The following ADAMTS13 variants were observed in gnomAD, a reference collection of about 807,000 sequenced individuals.
ADAMTS13 encodes A disintegrin and metalloproteinase with thrombospondin motifs 13.
In ADAMTS13, 110 loss-of-function variants were observed where a neutral mutation model predicts 155.1. The observed-to-expected ratio is 0.71, with a 90% confidence interval of 0.61 to 0.83. The LOEUF (loss-of-function observed/expected upper bound fraction) is 0.83, where lower values mean the gene tolerates loss of function less well. Among genes scored for constraint, ADAMTS13 ranks in the 40% least tolerant of loss-of-function variants. The pLI is 0.00. For synonymous variants in ADAMTS13, 758 were observed against 756.4 expected (o/e 1.00, Z -0.03); for missense variants, 1,707 against 1,891.7 (o/e 0.90, Z 1.81).
chr9:133,420,193 C>T (rs996850379), upstream of ADAMTS13, among the ~76,000 whole-genome samples: 9 of 152,284 alleles, frequency 5.9e-5, no homozygotes, highest in Middle Eastern at 3.4e-3. Flanking sequence ...CGTGAGCCAC[C>T]GCACCTAGCC....
In ADAMTS13 at chr9:133,456,948, C is replaced by T. The variant is rs900315104; in HGVS notation, c.3724+229C>T. The stretch of plus-strand genomic sequence containing the variant: ...TTTTGGGACCGTGCAGCAAGATGGA[C>T]GGATGTGGGACATGGTCCACATCCT... On this transcript the variant is annotated intron_variant, in intron 27 of 28. Transcript: ENST00000355699. This position sits in a 1 kb window ranked among gnomAD's most constrained non-coding sequence, Gnocchi z 4.4. 1.8e-5 allele frequency: 12 copies of T among 677,612 alleles called. No individual in the cohort carries two copies. Among genetic ancestry groups the T allele is most frequent in the Admixed American group, 1.0e-4 (5 of 48,636 alleles). 42.0% of individuals were successfully genotyped at this position (677,612 alleles called of 1,614,324 possible). A position where few individuals can be genotyped will look rare whatever the true frequency, so the allele number is the denominator to read the frequency against.
At chr9:133,415,779 G>A (rs1044512654) in intron 1 of ADAMTS13, 1 of 152,218 alleles carries the variant, frequency 6.6e-6, no homozygotes, top group Non-Finnish European at 1.5e-5. Flanking sequence ...TTTCTTTCTT[G>A]GGAGAAGGAA....
chr9:133,449,006 C>G (rs893574623), intron 22 of ADAMTS13, among the ~76,000 whole-genome samples: 9 of 152,228 alleles, frequency 5.9e-5, no homozygotes, highest in Non-Finnish European at 1.0e-4. Context: ...CTGGCTCTTT[C>G]CTCACCTCCA....
At chr9:133,451,966 A>G (rs1346702693) in intron 23 of ADAMTS13, among the ~76,000 whole-genome samples, 1 of 148,540 alleles carries the variant, frequency 6.7e-6, no homozygotes, top group Non-Finnish European at 1.5e-5. Context: ...TATTTGGAGT[A>G]TGTTGCAAAG....
In ADAMTS13 at chr9:133,443,447, G is replaced by A; in HGVS notation, c.2306G>A (p.Cys769Tyr). ...GGGLRERPVR[C>Y]VEAQGSLLKT... ...GGCCTGCGGGAGCGGCCAGTGCGCT[G>A]CGTGGAGGCCCAGGGCAGCCTCCTG... The change falls in exon 19 of 29, where the codon TGC becomes TAC. Residue 769 changes from cysteine (C) to tyrosine (Y), a missense_variant. Transcript: ENST00000355699. The A allele has an allele frequency of 6.3e-7, 1 of 1,593,904 alleles. No homozygotes were observed. Among genetic ancestry groups the A allele is most frequent in the Non-Finnish European group, 8.5e-7 (1 of 1,175,602 alleles).
Position 133,433,415 on chromosome 9 carries a change from T to C in ADAMTS13, c.1130T>C (p.Leu377Pro), listed in dbSNP as rs1554788076. Residue 377 changes from leucine (L) to proline (P), a missense_variant, in exon 10 of 29, where the codon CTG (leucine) becomes CCG (proline). By Grantham distance (98) the Leu-to-Pro change is moderately conservative. Transcript: ENST00000355699. ...SKGRCRSLVELTPIAAVHGRW... is the reference protein window; with the variant it reads ...SKGRCRSLVEPTPIAAVHGRW... The stretch of plus-strand genomic sequence containing the variant: ...GGTCGCTGCCGCTCCCTGGTGGAGC[T>C]GACCCCCATAGCAGCAGTGCATGGG... 6.2e-7 allele frequency: 1 copy of C among 1,613,256 alleles called. No individual in the cohort carries two copies. The highest frequency in any genetic ancestry group is 1.7e-5 in the Admixed American group (1 of 60,006).
Position 133,436,907 on chromosome 9 carries a change from G to A in ADAMTS13, c.1387G>A (p.Gly463Ser), listed in dbSNP as rs782279962. The A allele has an allele frequency of 6.3e-7, 1 of 1,589,196 alleles. No individual in the cohort carries two copies. Among genetic ancestry groups the A allele is most frequent in the East Asian group, 2.3e-5 (1 of 44,022 alleles). ...CGGCCAGCCGCTGCGCTCCTCCCCT[G>A]GCGGCGCCTCCTTCTACCACTGGGG... ...TDGQPLRSSP[G>S]GASFYHWGAA... The change falls in exon 12 of 29, where the codon GGC (glycine) becomes AGC (serine). Residue 463 changes from glycine to serine, a missense_variant. Gly to Ser is a moderately conservative substitution (Grantham distance 56, BLOSUM62 0). Coordinates refer to ENST00000355699, the MANE Select transcript of ADAMTS13 (RefSeq NM_139027.6).
At chr9:133,431,113 T>A (rs1840733587) in intron 8 of ADAMTS13, among the ~76,000 whole-genome samples, 1 of 151,964 alleles carries the variant, frequency 6.6e-6, no homozygotes, top group Admixed American at 6.6e-5. Context: ...TACAGGCACA[T>A]GCCACAATGC....
At chr9:133,435,700 T>G (rs1323457382) in intron 11 of ADAMTS13, among the ~76,000 whole-genome samples, 1 of 151,474 alleles carries the variant, frequency 6.6e-6, no homozygotes, top group Non-Finnish European at 1.5e-5. Flanking sequence ...CGGCTAATTT[T>G]TTTTTGTATT....
At chr9:133,439,945 G>A (rs1421688211) in intron 15 of ADAMTS13, among the ~76,000 whole-genome samples, 2 of 152,244 alleles carry the variant, frequency 1.3e-5, no homozygotes, top group East Asian at 3.8e-4. Flanking sequence ...CCTAAAGGAG[G>A]ACACTTCTGC....
rs188069015 is a variant in ADAMTS13 at position 133,424,944 on chromosome 9, T to C, written c.330+466T>C. On this transcript the variant is annotated intron_variant, in intron 3 of 28. Coordinates refer to ENST00000355699, the MANE Select transcript of ADAMTS13 (RefSeq NM_139027.6). The surrounding 1 kb of genome is among the most constrained non-coding windows in gnomAD (Gnocchi z 4.3). ...GGAGATGCCCACCTTCATTTCTTGC[T>C]AGCACCTGAATCCCTGCAGCCCCCC... is the stretch of plus-strand genomic sequence containing the variant. Among the ~76,000 whole-genome samples the C allele has an allele frequency of 2.6e-5, 4 of 152,328 alleles. No individual in the cohort carries two copies. Among genetic ancestry groups the C allele is most frequent in the African/African-American group, 7.2e-5 (3 of 41,582 alleles).
upstream of ADAMTS13, chr9:133,417,578 A>G (rs781997869): frequency 1.3e-6 from 2 of 1,593,616 alleles, no homozygotes; most frequent in Admixed American, 3.4e-5. Context: ...TTCTGCGGGA[A>G]TGAGCTGCGC....
rs1840954361 is a variant in ADAMTS13 at position 133,433,655 on chromosome 9, G to C, written c.1259G>C (p.Gly420Ala). The change falls in exon 11 of 29, where the codon GGG (glycine) becomes GCG (alanine). Residue 420 changes from glycine to alanine, a missense_variant. This residue lies in a region of ADAMTS13 where 733 missense variants were observed against 749.6 expected (regional missense o/e 0.98). Coordinates refer to ENST00000355699, the MANE Select transcript of ADAMTS13 (RefSeq NM_139027.6). Reference sequence around the variant, plus strand: ...GGCATTTTCAGACCTGCCTTTGGGGGGCGTGCATGTGTTGGTGCTGACCTC... The same window carrying C: ...GGCATTTTCAGACCTGCCTTTGGGGCGCGTGCATGTGTTGGTGCTGACCTC... Reference protein sequence around the residue: ...QCNNPRPAFGGRACVGADLQA... With the variant: ...QCNNPRPAFGARACVGADLQA... The C allele has an allele frequency of 1.2e-6, 2 of 1,613,836 alleles. No individual in the cohort carries two copies.
In ADAMTS13 at chr9:133,437,746, C is replaced by T. The variant is rs782170027; in HGVS notation, c.1436-3C>T. On this transcript the variant is annotated splice_region_variant and splice_polypyrimidine_tract_variant and intron_variant, in intron 12 of 28. Transcript: ENST00000355699. ...GACACCCTTTTTCACTCTGCCCTCC[C>T]AGGGGATGCTCTGTGCAGACACATG... is the stretch of plus-strand genomic sequence containing the variant. 5 of 1,613,692 alleles carry T rather than the reference C, an allele frequency of 3.1e-6. No homozygotes were observed. Among genetic ancestry groups the T allele is most frequent in the East Asian group, 4.5e-5 (2 of 44,890 alleles).
rs1554785219 is a variant in ADAMTS13 at position 133,426,194 on chromosome 9, C to T, written c.540-5C>T. 1.2e-6 allele frequency: 2 copies of T among 1,613,884 alleles called. No individual in the cohort carries two copies. The highest frequency in any genetic ancestry group is 1.6e-4 in the Middle Eastern group (1 of 6,084). On this transcript the variant is annotated splice_region_variant and splice_polypyrimidine_tract_variant and intron_variant, in intron 5 of 28. Transcript: ENST00000355699. Reference sequence around the variant, plus strand: ...CCACCCAAGTGACTGTTTTCTCTCACCGAGGTTTGACCTGGAGTTGCCTGA... The same window carrying T: ...CCACCCAAGTGACTGTTTTCTCTCATCGAGGTTTGACCTGGAGTTGCCTGA...
In ADAMTS13 at chr9:133,445,091, G is replaced by A; in HGVS notation, c.2610+39G>A. 6.3e-7 allele frequency: 1 copy of A among 1,599,484 alleles called. No homozygotes were observed. The highest frequency in any genetic ancestry group is 8.5e-7 in the Non-Finnish European group (1 of 1,174,658). The stretch of plus-strand genomic sequence containing the variant: ...GCATGAGGGTGGCTGGGGCTGTTGA[G>A]TCCTTTACCTGGCTGGGAGAACGAG... On this transcript the variant is annotated intron_variant, in intron 20 of 28. Transcript: ENST00000355699. This position sits in a 1 kb window ranked among gnomAD's most constrained non-coding sequence, Gnocchi z 5.0.
chr9:133,450,673 C>T (rs765817370), intron 23 of ADAMTS13, among the ~76,000 whole-genome samples: 9 of 152,022 alleles, frequency 5.9e-5, no homozygotes, highest in Non-Finnish European at 7.4e-5. Flanking sequence ...CGCTTGAACC[C>T]GGGAGGCGGA....
At chr9:133,414,880 C>G (rs1839476591) in intron 1 of ADAMTS13, 1 of 1,614,178 alleles carries the variant, frequency 6.2e-7, no homozygotes, top group Non-Finnish European at 8.5e-7. Context: ...TTCCTGCCGG[C>G]ATCTCCTCTC....
chr9:133,430,169 CA>C (rs781863038), intron 8 of ADAMTS13, 68 bp downstream of exon 8: 28 of 1,535,714 alleles, frequency 1.8e-5, no homozygotes, highest in Non-Finnish European at 2.3e-5. Flanking sequence ...TCACGTCCCC[CA>C]AAACGTGCAT....
Sources: gnomAD v4.1 joint callset for allele counts (sites outside exome capture counted in the v4.1 genomes callset) on GRCh38, gnomAD v4.1.1 for gene constraint, gnomAD v4.1.1 regional missense constraint, Gnocchi (gnomAD v3.1) non-coding constraint, MANE v1.5 for transcripts, NCBI Gene and HGNC (gene_info 2026-07-23, HGNC 2026-07-21) for gene names.